Variants in CACNA1C observed in about 807,000 individuals in gnomAD.
The protein encoded by CACNA1C is voltage-dependent L-type calcium channel subunit alpha-1C.
Under a neutral mutation model 229.0 loss-of-function variants are expected in CACNA1C, and 30 were observed. The observed-to-expected ratio is 0.13, with a 90% CI of 0.10 to 0.18. The LOEUF (loss-of-function observed/expected upper bound fraction) is 0.18. Ranked by LOEUF, CACNA1C falls within the 10% of genes least tolerant of loss-of-function variation. The probability of loss-of-function intolerance (pLI) is 1.00; values close to 1 mark genes in which losing one functional copy is unlikely to be tolerated. For synonymous variants in CACNA1C, 1,114 were observed against 1,132.5 expected (o/e 0.98, Z 0.33); for missense variants, 1,658 against 2,845.0 (o/e 0.58, Z 9.49).
At chr12:2,251,964 C>T (rs1252526567) in intron 3 of CACNA1C, among the ~76,000 whole-genome samples, 1 of 152,256 alleles carries the variant, frequency 6.6e-6, no homozygotes, top group Non-Finnish European at 1.5e-5. Context: ...AGTCTCTCAT[C>T]TGCAGCAGGC....
At chr12:2,572,979 CCTG>C (rs1227243147) in intron 13 of CACNA1C, among the ~76,000 whole-genome samples, 13 of 125,008 alleles carry the variant, frequency 1.0e-4, no homozygotes, top group South Asian at 6.1e-4. Context: ...TCCTCCTCCT[CCTG>C]TCCTCTTCCT....
intron 21 of CACNA1C, among the ~76,000 whole-genome samples, chr12:2,598,358 A>AG (rs2069715090): frequency 6.6e-6 from 1 of 152,152 alleles, no homozygotes; most frequent in Admixed American, 6.5e-5. Flanking sequence ...GGGATGAGAG[A>AG]AAGAGTATTC....
rs2299661 is a variant in CACNA1C at position 2,115,062 on chromosome 12, C to G, written c.50-162C>G. 0.6 allele frequency among the ~76,000 whole-genome samples: 90,743 copies of G among 152,090 alleles called. 28,571 individuals carry two copies. The highest frequency in any genetic ancestry group is 0.69 in the Non-Finnish European group (47,218 of 67,994). ...GACCGCAACGATCCTGGCCCTCTTC[C>G]CTCAGCATCTCACACTCATGTTTCC... On this transcript the variant is annotated intron_variant, in intron 1 of 46. Coordinates refer to ENST00000399655, the MANE Select transcript of CACNA1C (RefSeq NM_000719.7).
chr12:2,116,504 C>G (rs1159560611), intron 2 of CACNA1C, among the ~76,000 whole-genome samples: 1 of 152,010 alleles, frequency 6.6e-6, no homozygotes, highest in Non-Finnish European at 1.5e-5. Context: ...TAGCCGGGAC[C>G]ACAGGTGCCC....
At chr12:2,173,073 T>C (rs1342989781) in intron 3 of CACNA1C, among the ~76,000 whole-genome samples, 2 of 152,210 alleles carry the variant, frequency 1.3e-5, no homozygotes, top group Admixed American at 6.5e-5. Context: ...TGTCCGGCGG[T>C]GTCTCTTACT....
At chr12:2,326,360 A>G (rs1041801145) in intron 3 of CACNA1C, among the ~76,000 whole-genome samples, 5 of 152,214 alleles carry the variant, frequency 3.3e-5, no homozygotes, top group African/African-American at 1.2e-4. Flanking sequence ...ACTTTGATTC[A>G]ATAAGTCTAA....
chr12:2,688,201 GC>G (rs1317334820), intron 45 of CACNA1C, among the ~76,000 whole-genome samples: 2 of 152,230 alleles, frequency 1.3e-5, no homozygotes, highest in African/African-American at 4.8e-5. Context: ...CCCAATCCCA[GC>G]TTTCAGAAGT....
At chr12:2,416,547 G>C (rs1240448788) in intron 3 of CACNA1C, among the ~76,000 whole-genome samples, 1 of 152,174 alleles carries the variant, frequency 6.6e-6, no homozygotes, top group Non-Finnish European at 1.5e-5. Flanking sequence ...ATTTGTCCCA[G>C]GTCAAACCAC....
intron 7 of CACNA1C, among the ~76,000 whole-genome samples, chr12:2,499,982 A>G (rs2099755388): frequency 1.3e-5 from 2 of 152,184 alleles, no homozygotes; most frequent in Admixed American, 6.5e-5. Flanking sequence ...GGAGAAAGTA[A>G]GAGGGAAGTG....
At chr12:2,154,198 A>G (rs1453531534) in intron 3 of CACNA1C, among the ~76,000 whole-genome samples, 2 of 152,210 alleles carry the variant, frequency 1.3e-5, no homozygotes, top group African/African-American at 4.8e-5. Flanking sequence ...ATCTTCCCCC[A>G]GTGACAGGCC....
chr12:2,336,413 A>G (rs979362329), intron 3 of CACNA1C, among the ~76,000 whole-genome samples: 2 of 151,904 alleles, frequency 1.3e-5, no homozygotes, highest in African/African-American at 2.4e-5. Context: ...ACTCTGTCCT[A>G]TTTTGGGGCC....
At chr12:2,571,261 C>A (rs1323381320) in intron 13 of CACNA1C, among the ~76,000 whole-genome samples, 1 of 152,178 alleles carries the variant, frequency 6.6e-6, no homozygotes, top group Non-Finnish European at 1.5e-5. Flanking sequence ...TACTCCTAAC[C>A]ACTGCCATGC....
chr12:2,218,572 C>T (rs1186325063), intron 3 of CACNA1C, among the ~76,000 whole-genome samples: 1 of 152,140 alleles, frequency 6.6e-6, no homozygotes, highest in Non-Finnish European at 1.5e-5. Context: ...GCCTAGAGCT[C>T]AGCGCATCTT....
At chr12:2,437,540 G>A (rs1481838373) in intron 3 of CACNA1C, among the ~76,000 whole-genome samples, 1 of 152,230 alleles carries the variant, frequency 6.6e-6, no homozygotes, top group Admixed American at 6.5e-5. Context: ...CTATATTGGA[G>A]ATAGTTTTTA....
intron 3 of CACNA1C, among the ~76,000 whole-genome samples, chr12:2,438,591 T>A (rs2099181139): frequency 6.6e-6 from 1 of 151,692 alleles, no homozygotes; most frequent in East Asian, 1.9e-4. Flanking sequence ...CTGGTTTGGG[T>A]GTGGTGAGCC....
chr12:1,985,694 G>C (rs1298564833), intron 1 of CACNA1C, among the ~76,000 whole-genome samples: 1 of 152,188 alleles, frequency 6.6e-6, no homozygotes. Flanking sequence ...GAGTCCTCTT[G>C]AAACCCTCCA....
chr12:2,606,774 C>A (rs570843545), intron 25 of CACNA1C, 111 bp downstream of exon 25: 2 of 1,006,782 alleles, frequency 2.0e-6, no homozygotes, highest in African/African-American at 1.6e-5. Flanking sequence ...GTGGCACCTG[C>A]GCTCTGCCTG....
chr12:2,050,790 ACC>A (rs2052015374), upstream of CACNA1C, among the ~76,000 whole-genome samples: 1 of 152,210 alleles, frequency 6.6e-6, no homozygotes, highest in African/African-American at 2.4e-5. Flanking sequence ...TGGGGCCAGA[ACC>A]ACTGGACAAA....
chr12:2,136,341 C>A (rs2093486833), intron 3 of CACNA1C, among the ~76,000 whole-genome samples: 1 of 151,244 alleles, frequency 6.6e-6, no homozygotes. Context: ...CTTGTAATCA[C>A]CCCATTTTAA....
Sources: allele counts gnomAD v4.1 joint callset (sites outside exome capture counted in the v4.1 genomes callset), GRCh38; gene constraint gnomAD v4.1.1; transcripts MANE v1.5; gene names NCBI Gene and HGNC (gene_info 2026-07-23, HGNC 2026-07-21).